The following DCT variants were observed in gnomAD, a reference collection of about 807,000 sequenced individuals.
DCT encodes the protein L-dopachrome tautomerase.
A neutral mutation model predicts 53.0 loss-of-function variants in DCT; 47 were observed. The ratio of observed to expected loss-of-function variants is 0.89; its 90% CI spans 0.70 to 1.13. The LOEUF (loss-of-function observed/expected upper bound fraction) is 1.13, where lower values mean the gene tolerates loss of function less well. Ranked by LOEUF, DCT falls within the 50% of genes most tolerant of loss-of-function variation. The pLI, the probability that DCT is intolerant of heterozygous loss-of-function variation, is 0.00. For synonymous variants in DCT, 244 were observed against 237.0 expected (o/e 1.03, Z -0.27); for missense variants, 669 against 637.4 (o/e 1.05, Z -0.53).
intron 1 of DCT, among the ~76,000 whole-genome samples, chr13:94,474,462 G>GA (rs1408513420): frequency 6.6e-6 from 1 of 152,132 alleles, no homozygotes; most frequent in Non-Finnish European, 1.5e-5. Flanking sequence ...TTCATCTACA[G>GA]AAATCAAAAG....
chr13:94,515,370 A>G, the DCT span, among the ~76,000 whole-genome samples: 1 of 152,254 alleles, frequency 6.6e-6, no homozygotes, highest in Non-Finnish European at 1.5e-5. Context: ...GGGAATGAAG[A>G]GGATGGGATA....
chr13:94,499,799 C>G, the DCT span, among the ~76,000 whole-genome samples: 1 of 152,156 alleles, frequency 6.6e-6, no homozygotes, highest in African/African-American at 2.4e-5. Flanking sequence ...GCCCTTCACT[C>G]TCTCCATAGG....
chr13:94,538,466 A>G, the DCT span, among the ~76,000 whole-genome samples: 1 of 152,074 alleles, frequency 6.6e-6, no homozygotes, highest in Non-Finnish European at 1.5e-5. Context: ...ATGTATACAC[A>G]TAGCCCCAAT....
At chr13:94,466,943 T>C (rs1884262159) in intron 2 of DCT, 1 of 203,008 alleles carries the variant, frequency 4.9e-6, no homozygotes, top group Non-Finnish European at 9.8e-6. Context: ...CCCTGATACA[T>C]ATTTAATTTG....
intron 2 of DCT, 49 bp downstream of exon 2, chr13:94,468,697 C>T: frequency 6.5e-7 from 1 of 1,533,700 alleles, no homozygotes; most frequent in Non-Finnish European, 8.9e-7. Flanking sequence ...TACCCTCAAC[C>T]CAATCACAAA....
At chr13:94,476,269 C>T (rs1436263001) in intron 1 of DCT, among the ~76,000 whole-genome samples, 1 of 133,656 alleles carries the variant, frequency 7.5e-6, no homozygotes, top group African/African-American at 2.9e-5. Context: ...ATAAACATTT[C>T]CTTACCAAAG....
At chr13:94,520,209 GA>G in the DCT span, among the ~76,000 whole-genome samples, 2 of 152,128 alleles carry the variant, frequency 1.3e-5, no homozygotes, top group African/African-American at 4.8e-5. Flanking sequence ...GGAATAAAAG[GA>G]AAAGACAACC....
intron 1 of DCT, among the ~76,000 whole-genome samples, chr13:94,478,151 C>A (rs112258537): frequency 8.5e-6 from 1 of 118,236 alleles, no homozygotes; most frequent in Non-Finnish European, 1.8e-5. Context: ...TAACAACCCC[C>A]CGCCCGCCCC....
At chr13:94,511,894 T>G in the DCT span, among the ~76,000 whole-genome samples, 1 of 151,404 alleles carries the variant, frequency 6.6e-6, no homozygotes. Flanking sequence ...ATGGGGGTCT[T>G]GCTCTGTCGC....
At chr13:94,463,869 C>T (rs1047201083) in intron 4 of DCT, among the ~76,000 whole-genome samples, 10 of 152,174 alleles carry the variant, frequency 6.6e-5, no homozygotes, top group East Asian at 1.9e-4. Flanking sequence ...TCCCAGGCAG[C>T]GTTTCCCAAA....
the DCT span, among the ~76,000 whole-genome samples, chr13:94,484,757 C>A: frequency 8.5e-5 from 13 of 152,266 alleles, no homozygotes; most frequent in South Asian, 2.7e-3. Flanking sequence ...CAGATTGAGG[C>A]CCATCCTGAC....
At chr13:94,471,050 T>C (rs1056526330) in intron 1 of DCT, among the ~76,000 whole-genome samples, 1 of 152,186 alleles carries the variant, frequency 6.6e-6, no homozygotes, top group African/African-American at 2.4e-5. Context: ...TAAATAATTT[T>C]GGTAAACTAC....
the DCT span, among the ~76,000 whole-genome samples, chr13:94,488,087 C>T: frequency 2.0e-5 from 3 of 152,226 alleles, no homozygotes; most frequent in African/African-American, 7.2e-5. Context: ...TTGCTATGCA[C>T]ACTGTGCCCT....
the DCT span, among the ~76,000 whole-genome samples, chr13:94,536,055 A>G: frequency 2.6e-5 from 4 of 152,200 alleles, no homozygotes; most frequent in Non-Finnish European, 5.9e-5. Context: ...AAATGATCTC[A>G]AGAACTAGCT....
the DCT span, among the ~76,000 whole-genome samples, chr13:94,536,045 A>C: frequency 6.6e-6 from 1 of 152,214 alleles, no homozygotes; most frequent in South Asian, 2.1e-4. Context: ...TAGTGCTTCC[A>C]AATGATCTCA....
chr13:94,495,792 G>C, the DCT span, among the ~76,000 whole-genome samples: 1 of 152,154 alleles, frequency 6.6e-6, no homozygotes, highest in East Asian at 1.9e-4. Flanking sequence ...GCTTTTTGGA[G>C]TAATAAGAAG....
In DCT at chr13:94,439,899, T is replaced by C; in HGVS notation, c.1559A>G (p.Ter520TrpextTer32). 2 of 1,612,820 alleles carry C rather than the reference T, an allele frequency of 1.2e-6. No homozygotes were observed. ...TCTCTTAGGTAAGGCATGAGCACCC[T>C]AGGCTTCTTCTGTGTATCTCTTGCT... is the stretch of plus-strand genomic sequence containing the variant. Reference protein sequence around the residue: ...LSSKRYTEEA* With the variant: ...LSSKRYTEEAW The change falls in exon 8 of 8, where the codon TAG becomes TGG. Residue 520 changes from the stop codon to tryptophan, a stop_lost. Coordinates refer to ENST00000377028, the MANE Select transcript of DCT (RefSeq NM_001922.5).
chr13:94,494,351 C>T, the DCT span, among the ~76,000 whole-genome samples: 1 of 152,150 alleles, frequency 6.6e-6, no homozygotes, highest in East Asian at 1.9e-4. Context: ...TTTGTTTGTG[C>T]TCCTTAAGTC....
chr13:94,475,224 A>G (rs1237000898), intron 1 of DCT, among the ~76,000 whole-genome samples: 2 of 152,214 alleles, frequency 1.3e-5, no homozygotes, highest in Admixed American at 1.3e-4. Context: ...ACACAAAATA[A>G]CTTCCCAGCT....
Sources: gnomAD v4.1 joint callset for allele counts (sites outside exome capture counted in the v4.1 genomes callset) on GRCh38, gnomAD v4.1.1 for gene constraint, MANE v1.5 for transcripts, NCBI Gene and HGNC (gene_info 2026-07-23, HGNC 2026-07-21) for gene names.